Variants in TNNI3K observed in about 807,000 individuals in gnomAD.
TNNI3K encodes the protein TNNI3 interacting kinase.
A neutral mutation model predicts 114.5 loss-of-function variants in TNNI3K; 140 were observed. That is an observed-to-expected ratio of 1.22 (90% CI 1.07 to 1.41). The LOEUF (loss-of-function observed/expected upper bound fraction) is 1.41, where lower values mean the gene tolerates loss of function less well. Among genes scored for constraint, TNNI3K ranks in the 40% most tolerant of loss-of-function variants. TNNI3K has a pLI of 0.00. For missense variants in TNNI3K, 1,125 were observed against 1,007.6 expected (o/e 1.12, Z -1.58); for synonymous variants, 347 against 347.5 (o/e 1.00, Z 0.02).
chr1:74,242,126 A>G lies in TNNI3K; in HGVS notation c.149+5916A>G, dbSNP rs549430541. ...GGCCTCCCAAAGTGCTGGGATTACA[A>G]GCATGAGCCACCGCGCCTGACCCAG... On this transcript the variant is annotated intron_variant, in intron 2 of 24. Transcript: ENST00000326637. 4.8e-3 allele frequency among the ~76,000 whole-genome samples: 726 copies of G among 152,082 alleles called. 4 individuals carry two copies. The highest frequency in any genetic ancestry group is 0.016 in the African/African-American group (683 of 41,510).
At chr1:74,383,371 C>T (rs1275290924) in intron 17 of TNNI3K, among the ~76,000 whole-genome samples, 3 of 151,916 alleles carry the variant, frequency 2.0e-5, no homozygotes, top group Non-Finnish European at 4.4e-5. Context: ...ATCTGAAAAG[C>T]TTCATTTATT....
intron 11 of TNNI3K, among the ~76,000 whole-genome samples, chr1:74,365,183 A>G (rs993281286): frequency 6.6e-6 from 1 of 152,092 alleles, no homozygotes; most frequent in Non-Finnish European, 1.5e-5. Flanking sequence ...CTTTACAACA[A>G]TCTTACAAGG....
chr1:74,450,879 C>T (rs1440704515), intron 20 of TNNI3K, among the ~76,000 whole-genome samples: 2 of 152,108 alleles, frequency 1.3e-5, no homozygotes, highest in Non-Finnish European at 2.9e-5. Flanking sequence ...TCATCTGACC[C>T]AGTAATCGCA....
chr1:74,271,428 A>C (rs892637840), intron 4 of TNNI3K, among the ~76,000 whole-genome samples, 170 bp from the exon 5 acceptor site: 3 of 152,048 alleles, frequency 2.0e-5, no homozygotes, highest in South Asian at 4.1e-4. Flanking sequence ...ACTTTCCACC[A>C]TCTGAGAACT....
At chr1:74,314,950 C>T (rs1207779272) in intron 5 of TNNI3K, among the ~76,000 whole-genome samples, 1 of 152,110 alleles carries the variant, frequency 6.6e-6, no homozygotes, top group Non-Finnish European at 1.5e-5. Flanking sequence ...GTTTCTACCT[C>T]ACTCCCTGCC....
chr1:74,469,521 C>T (rs1282994954), intron 21 of TNNI3K: 1 of 168,976 alleles, frequency 5.9e-6, no homozygotes, highest in African/African-American at 2.4e-5. Flanking sequence ...ATGAAATAAA[C>T]ATCAAATGTA....
chr1:74,535,069 C>G (rs1216414286), intron 23 of TNNI3K, among the ~76,000 whole-genome samples: 1 of 152,158 alleles, frequency 6.6e-6, no homozygotes, highest in African/African-American at 2.4e-5. Context: ...AAATGTTGGA[C>G]ACGTCAGATA....
intron 23 of TNNI3K, among the ~76,000 whole-genome samples, chr1:74,499,291 G>A (rs959655441): frequency 1.1e-4 from 17 of 152,116 alleles, no homozygotes; most frequent in African/African-American, 2.7e-4. Flanking sequence ...ACAGGCATGC[G>A]CCACCATGCC....
At chr1:74,498,458 C>G (rs182347816) in intron 23 of TNNI3K, among the ~76,000 whole-genome samples, 163 of 152,252 alleles carry the variant, frequency 1.1e-3, no homozygotes, top group African/African-American at 3.7e-3. Flanking sequence ...ATGTTAAAAA[C>G]AGAAATTCTC....
rs149949210 is a variant in TNNI3K, at chr1:74,353,980, G to A, written c.1028G>A (p.Gly343Glu). The change falls in exon 11 of 25, where the codon GGA becomes GAA. Residue 343 changes from glycine (G) to glutamate (E), a missense_variant and splice_region_variant. Physicochemically the swap from Gly to Glu is moderately conservative, Grantham distance 98. Transcript: ENST00000326637. ...TTCTTTCAATTCTTTTCTATTACAG[G>A]ATTACACTCTGCTTGCTACCACGGT... ...INHQGRDGHTGLHSACYHGHI... is the reference protein window; with the variant it reads ...INHQGRDGHTELHSACYHGHI... The A allele has an allele frequency of 1.2e-6, 2 of 1,611,658 alleles. No homozygotes were observed. Among genetic ancestry groups the A allele is most frequent in the Non-Finnish European group, 1.7e-6 (2 of 1,179,188 alleles).
chr1:74,291,931 C>A (rs1657702044), intron 5 of TNNI3K, among the ~76,000 whole-genome samples: 1 of 151,308 alleles, frequency 6.6e-6, no homozygotes, highest in South Asian at 2.1e-4. Context: ...ATATACAATA[C>A]TAATTCTGTC....
chr1:74,311,613 A>C (rs1423956760), intron 5 of TNNI3K, among the ~76,000 whole-genome samples: 1 of 152,194 alleles, frequency 6.6e-6, no homozygotes, highest in Non-Finnish European at 1.5e-5. Flanking sequence ...GGTATCAAGA[A>C]CAGTAAATTG....
intron 17 of TNNI3K, chr1:74,374,265 G>C (rs891608669): frequency 1.3e-5 from 2 of 151,832 alleles, no homozygotes; most frequent in Non-Finnish European, 2.9e-5. Context: ...TAAGAAAGTA[G>C]TTATTTTCAA....
At chr1:74,407,928 A>G (rs748942712) in intron 17 of TNNI3K, among the ~76,000 whole-genome samples, 10 of 152,062 alleles carry the variant, frequency 6.6e-5, no homozygotes, top group African/African-American at 2.2e-4. Flanking sequence ...GTTATCACCA[A>G]TTTTTCCTTT....
intron 23 of TNNI3K, among the ~76,000 whole-genome samples, chr1:74,518,253 G>T (rs535267515): frequency 2.6e-5 from 4 of 152,176 alleles, no homozygotes; most frequent in Non-Finnish European, 4.4e-5. Flanking sequence ...TTTCAGTCTG[G>T]ATGGCTAGAA....
chr1:74,266,568 A>G (rs1302694453), intron 4 of TNNI3K, among the ~76,000 whole-genome samples: 5 of 152,004 alleles, frequency 3.3e-5, no homozygotes, highest in Non-Finnish European at 5.9e-5. Flanking sequence ...CAGAAGGTAT[A>G]TTTTGTCCAT....
At chr1:74,291,697 G>C (rs1389410660) in intron 5 of TNNI3K, among the ~76,000 whole-genome samples, 1 of 151,296 alleles carries the variant, frequency 6.6e-6, no homozygotes, top group Non-Finnish European at 1.5e-5. Context: ...TGCTTATTTA[G>C]GGTTAATGCT....
intron 4 of TNNI3K, among the ~76,000 whole-genome samples, chr1:74,270,520 A>G (rs1396073760): frequency 6.6e-6 from 1 of 151,896 alleles, no homozygotes; most frequent in Non-Finnish European, 1.5e-5. Flanking sequence ...TTTGGAGACT[A>G]TAACATTAAT....
At chr1:74,275,552 G>A (rs1420116948) in intron 5 of TNNI3K, among the ~76,000 whole-genome samples, 1 of 151,770 alleles carries the variant, frequency 6.6e-6, no homozygotes, top group African/African-American at 2.4e-5. Context: ...GTTATGAGAG[G>A]GGATTTAAAA....
Sources: allele counts gnomAD v4.1 joint callset (sites outside exome capture counted in the v4.1 genomes callset), GRCh38; gene constraint gnomAD v4.1.1; transcripts MANE v1.5; gene names NCBI Gene and HGNC (gene_info 2026-07-23, HGNC 2026-07-21).